FHOD3: variants seen among roughly 807,000 people sequenced by gnomAD.
FHOD3 encodes the protein formin homology 2 domain containing 3.
A neutral mutation model predicts 173.0 loss-of-function variants in FHOD3; 90 were observed. The ratio of observed to expected loss-of-function variants is 0.52; its 90% CI spans 0.44 to 0.62. The LOEUF (loss-of-function observed/expected upper bound fraction) is 0.62. Ranked by LOEUF, FHOD3 falls within the 20% of genes least tolerant of loss-of-function variation. The probability of loss-of-function intolerance (pLI) is 0.00; values close to 1 mark genes in which losing one functional copy is unlikely to be tolerated. For synonymous variants in FHOD3, 828 were observed against 823.0 expected, an observed-to-expected ratio of 1.01 and a Z score of -0.10; for missense variants, 1,945 against 2,034.7, an observed-to-expected ratio of 0.96 and a Z score of 0.85.
intron 6 of FHOD3, among the ~76,000 whole-genome samples, chr18:36,592,539 A>G (rs1041120565): frequency 1.3e-5 from 2 of 152,272 alleles, no homozygotes; most frequent in African/African-American, 4.8e-5. Flanking sequence ...CTGCTGGGAC[A>G]GGCAGCACCC....
intron 14 of FHOD3, among the ~76,000 whole-genome samples, chr18:36,673,594 G>A (rs943524405): frequency 3.3e-5 from 5 of 152,104 alleles, no homozygotes; most frequent in African/African-American, 1.2e-4. Flanking sequence ...AGAGGGAGAG[G>A]CACAAAGAAA....
chr18:36,587,079 T>C (rs1176631707), intron 6 of FHOD3, among the ~76,000 whole-genome samples: 1 of 152,096 alleles, frequency 6.6e-6, no homozygotes, highest in Non-Finnish European at 1.5e-5. Flanking sequence ...AAGTCACAGA[T>C]ACAGGGCATC....
intron 19 of FHOD3, among the ~76,000 whole-genome samples, chr18:36,720,039 C>T (rs1015151316): frequency 8.5e-5 from 13 of 152,236 alleles, no homozygotes; most frequent in African/African-American, 2.9e-4. Flanking sequence ...TACAAATCTA[C>T]ACCGTTAGGA....
intron 3 of FHOD3, among the ~76,000 whole-genome samples, chr18:36,499,073 TTTTTGTTTTGTTTTGTTTTG>T (rs149323059): frequency 6.6e-5 from 10 of 151,092 alleles, no homozygotes; most frequent in East Asian, 2.0e-4. Flanking sequence ...CCTATTGCTA[TTTTTGTTTTGTTTTGTTTTG>T]TTTTGTTTTG....
At chr18:36,567,761 T>C (rs2058316313) in intron 5 of FHOD3, among the ~76,000 whole-genome samples, 1 of 152,160 alleles carries the variant, frequency 6.6e-6, no homozygotes, top group South Asian at 2.1e-4. Context: ...ATTCAAGATC[T>C]TTCTATTTCT....
Position 36,487,876 on chromosome 18 carries a change from G to A in FHOD3, c.338-14056G>A, listed in dbSNP as rs150356538. Reference sequence around the variant, plus strand: ...ACAGAGGAAAGTGTCAGGAGGCCACGGAGGATCCACACACAGCTTGTCCGT... The same window carrying A: ...ACAGAGGAAAGTGTCAGGAGGCCACAGAGGATCCACACACAGCTTGTCCGT... On this transcript the variant is annotated intron_variant, in intron 3 of 28. Coordinates refer to ENST00000590592, the MANE Select transcript of FHOD3 (RefSeq NM_001281740.3). Among the ~76,000 whole-genome samples the A allele has an allele frequency of 8.5e-4, 129 of 151,890 alleles. 1 individual carries two copies. In the South Asian group the frequency reaches 0.016, roughly 18 times the overall value.
At chr18:36,550,243 CATATAT>C (rs371573246) in intron 5 of FHOD3, among the ~76,000 whole-genome samples, 3 of 120,712 alleles carry the variant, frequency 2.5e-5, no homozygotes, top group Non-Finnish European at 3.4e-5. Flanking sequence ...AGTGGTAGAC[CATATAT>C]ATATATATAT....
chr18:36,611,327 G>A (rs908668613), intron 8 of FHOD3, among the ~76,000 whole-genome samples: 18 of 152,150 alleles, frequency 1.2e-4, no homozygotes, highest in African/African-American at 4.3e-4. Context: ...GCTTCCGTGG[G>A]GCAGGGAGTC....
At chr18:36,525,319 G>A (rs2056462582) in intron 5 of FHOD3, among the ~76,000 whole-genome samples, 1 of 152,300 alleles carries the variant, frequency 6.6e-6, no homozygotes, top group East Asian at 1.9e-4. Flanking sequence ...GAAGAAGCAA[G>A]TTGCCATGAG....
intron 1 of FHOD3, among the ~76,000 whole-genome samples, chr18:36,313,967 C>T (rs2092310157): frequency 1.3e-5 from 2 of 151,794 alleles, no homozygotes; most frequent in Admixed American, 6.6e-5. Flanking sequence ...ACTGCAGCCT[C>T]GACCTCCTAG....
intron 8 of FHOD3, among the ~76,000 whole-genome samples, chr18:36,603,636 T>A (rs936295911): frequency 6.6e-6 from 1 of 151,984 alleles, no homozygotes; most frequent in African/African-American, 2.4e-5. Flanking sequence ...CTCTAGTAGC[T>A]GGGATTACAG....
chr18:36,755,496 T>G (rs2042596188), intron 25 of FHOD3, among the ~76,000 whole-genome samples, 185 bp downstream of exon 25: 1 of 147,856 alleles, frequency 6.8e-6, no homozygotes. Context: ...GAAAATCTGC[T>G]AAATAACAAG....
At position 36,736,990 on chromosome 18, in the gene FHOD3, A is replaced by C. The variant is rs117855484; in HGVS notation, c.3577-3666A>C. Among the ~76,000 whole-genome samples the C allele has an allele frequency of 6.6e-5, 10 of 152,302 alleles. No homozygotes were observed. In the East Asian group the frequency reaches 1.9e-3, roughly 29 times the overall value. On this transcript the variant is annotated intron_variant, in intron 20 of 28. Transcript: ENST00000590592. ...TCTACTGACTTAGAAAAACAAATTA[A>C]AAATACTACCTCATAATCATCACAG... is the stretch of plus-strand genomic sequence containing the variant.
chr18:36,372,841 A>G, intron 3 of FHOD3, 97 bp downstream of exon 3: 1 of 1,003,098 alleles, frequency 1.0e-6, no homozygotes, highest in Middle Eastern at 2.2e-4. Context: ...TGTTTGCACT[A>G]GCCCCTATCA....
chr18:36,370,186 A>G (rs1205137581), intron 2 of FHOD3, among the ~76,000 whole-genome samples: 3 of 152,064 alleles, frequency 2.0e-5, no homozygotes, highest in African/African-American at 7.2e-5. Context: ...TCCCCACCTC[A>G]GCCTGCTTCC....
intron 5 of FHOD3, among the ~76,000 whole-genome samples, chr18:36,568,372 G>A: frequency 7.1e-6 from 1 of 141,632 alleles, no homozygotes; most frequent in Non-Finnish European, 1.5e-5. Flanking sequence ...AAAAAAGGTG[G>A]TGGAGGGAGC....
At chr18:36,625,292 G>C (rs975615699) in intron 9 of FHOD3, among the ~76,000 whole-genome samples, 1 of 152,232 alleles carries the variant, frequency 6.6e-6, no homozygotes, top group African/African-American at 2.4e-5. Context: ...GTGTCTGTTT[G>C]ATGGGAAGAA....
intron 3 of FHOD3, among the ~76,000 whole-genome samples, chr18:36,497,389 G>C (rs1473856052): frequency 6.6e-6 from 1 of 152,222 alleles, no homozygotes. Flanking sequence ...CCACTGAAGA[G>C]TAAGTTGTGA....
chr18:36,666,824 G>A lies in FHOD3; in HGVS notation c.1835+8636G>A, dbSNP rs570819548. Among the ~76,000 whole-genome samples the A allele has an allele frequency of 9.9e-5, 15 of 152,264 alleles. No individual in the cohort carries two copies. The East Asian group carries it at 2.3e-3, about 24-fold the overall frequency. On this transcript the variant is annotated intron_variant, in intron 14 of 28. Transcript: ENST00000590592. ...CAAGAAACAGCACATAAGTTTTGGC[G>A]TATGTGTACAACAGTGAAACCCTGA...
Sources: allele counts gnomAD v4.1 joint callset (sites outside exome capture counted in the v4.1 genomes callset), GRCh38; gene constraint gnomAD v4.1.1; transcripts MANE v1.5; gene names NCBI Gene and HGNC (gene_info 2026-07-23, HGNC 2026-07-21).